The following NUDT7 variants were observed in gnomAD, a reference collection of about 807,000 sequenced individuals.
NUDT7 encodes peroxisomal coenzyme A diphosphatase NUDT7.
A neutral mutation model predicts 13.1 loss-of-function variants in NUDT7; 19 were observed. The observed-to-expected ratio is 1.45, with a 90% CI of 1.01 to 2.13. The LOEUF (loss-of-function observed/expected upper bound fraction) is 2.13. Ranked by LOEUF, NUDT7 falls within the 30% of genes most tolerant of loss-of-function variation. The probability of loss-of-function intolerance (pLI) is 0.00; values close to 1 mark genes in which losing one functional copy is unlikely to be tolerated. For missense variants in NUDT7, 360 were observed against 291.7 expected, an observed-to-expected ratio of 1.23 and a Z score of -1.71; for synonymous variants, 132 against 109.7, an observed-to-expected ratio of 1.20 and a Z score of -1.27.
Position 77,735,838 on chromosome 16 carries a change from C to A in NUDT7, c.200C>A (p.Ala67Asp), listed in dbSNP as rs1484475827. 6.2e-7 allele frequency: 1 copy of A among 1,613,318 alleles called. No individual in the cohort carries two copies. The highest frequency in any genetic ancestry group is 1.3e-5 in the African/African-American group (1 of 74,902). ...FTVRSEKLRR[A>D]PGEVCFPGGK... is the part of the protein sequence containing the mutation. ...TCTTTCTATATCCAGCTAAGAAGGG[C>A]CCCTGGAGAAGTTTGCTTCCCTGGA... is the stretch of plus-strand genomic sequence containing the variant. The change falls in exon 3 of 4, where the codon GCC becomes GAC. Residue 67 changes from alanine (A) to aspartate (D), a missense_variant. Coordinates refer to ENST00000268533, the MANE Select transcript of NUDT7 (RefSeq NM_001105663.3).
At chr16:77,728,902 CCA>C (rs148066474) in intron 2 of NUDT7, among the ~76,000 whole-genome samples, 19,411 of 152,118 alleles carry the variant, frequency 0.13, 1,374 homozygotes, top group East Asian at 0.32. Flanking sequence ...CTCTTCTCCC[CCA>C]CACCCTTGAC....
intron 2 of NUDT7, chr16:77,735,605 T>G (rs897263715): frequency 3.4e-6 from 2 of 586,532 alleles, no homozygotes; most frequent in Middle Eastern, 3.7e-4. Flanking sequence ...TGGTATCTTT[T>G]GGGGACAAAT....
chr16:77,725,865 G>C (rs1384530213), intron 2 of NUDT7, among the ~76,000 whole-genome samples: 1 of 152,208 alleles, frequency 6.6e-6, no homozygotes, highest in Non-Finnish European at 1.5e-5. Flanking sequence ...TAATTCTTTG[G>C]TGTGGAGGCT....
At chr16:77,732,126 G>A (rs1037919822) in intron 2 of NUDT7, among the ~76,000 whole-genome samples, 12 of 151,952 alleles carry the variant, frequency 7.9e-5, no homozygotes, top group African/African-American at 2.7e-4. Flanking sequence ...TCAGGAGTTC[G>A]AGACCAGCCT....
intron 2 of NUDT7, among the ~76,000 whole-genome samples, chr16:77,734,848 G>A (rs1318502000): frequency 6.6e-6 from 1 of 151,916 alleles, no homozygotes; most frequent in Non-Finnish European, 1.5e-5. Flanking sequence ...AGGGAGAGGG[G>A]AATGAGAATC....
chr16:77,733,756 C>A (rs931283277), intron 2 of NUDT7, among the ~76,000 whole-genome samples: 5 of 152,160 alleles, frequency 3.3e-5, no homozygotes, highest in African/African-American at 1.2e-4. Context: ...TGTCATTACC[C>A]CATTGCACAC....
chr16:77,736,606 G>C (rs1212633477), intron 3 of NUDT7: 1 of 203,336 alleles, frequency 4.9e-6, no homozygotes, highest in Non-Finnish European at 1.1e-5. Context: ...TTTTGGAGCT[G>C]AGATAACCAC....
chr16:77,725,264 C>A (rs73569632), intron 1 of NUDT7, among the ~76,000 whole-genome samples, 167 bp from the exon 2 acceptor site: 15,412 of 152,120 alleles, frequency 0.1, 970 homozygotes, highest in African/African-American at 0.18. Context: ...TGCGAACAAC[C>A]ACGCAATTTA....
At chr16:77,722,682 C>T (rs1346112196) in intron 1 of NUDT7, 65 bp downstream of exon 1, 2 of 1,473,082 alleles carry the variant, frequency 1.4e-6, no homozygotes, top group Admixed American at 1.9e-5. Context: ...GTAGCGGAGG[C>T]CACCGGGGCC....
intron 3 of NUDT7, among the ~76,000 whole-genome samples, chr16:77,737,899 C>G (rs746220961): frequency 2.0e-5 from 3 of 152,138 alleles, no homozygotes; most frequent in Non-Finnish European, 4.4e-5. Context: ...TTCCACTTGA[C>G]TGAAGTCTTG....
intron 2 of NUDT7, chr16:77,735,243 A>G: frequency 5.0e-6 from 2 of 400,852 alleles, no homozygotes; most frequent in East Asian, 7.1e-5. Context: ...AAACCCCAAT[A>G]TTGGACCTGG....
At position 77,738,322 on chromosome 16, in the gene NUDT7, T is replaced by C. The variant is rs138904184; in HGVS notation, c.348+2336T>C. On this transcript the variant is annotated intron_variant, in intron 3 of 3. Transcript: ENST00000268533. ...AGGAGCATTAACAGGAAAGTGTCTC[T>C]GGGAGATTCCTGGGGGCCAGATACT... Among the ~76,000 whole-genome samples, 178 of 152,334 alleles carry C rather than the reference T, an allele frequency of 1.2e-3. 2 individuals are homozygous for C. The highest frequency in any genetic ancestry group is 4.0e-3 in the African/African-American group (167 of 41,584).
intron 1 of NUDT7, among the ~76,000 whole-genome samples, chr16:77,724,287 G>A (rs916490658): frequency 6.6e-6 from 1 of 151,898 alleles, no homozygotes; most frequent in African/African-American, 2.4e-5. Context: ...TTTTGAGTCA[G>A]GTCTCACTCT....
chr16:77,731,907 T>A (rs1035445576), intron 2 of NUDT7, among the ~76,000 whole-genome samples: 4 of 152,138 alleles, frequency 2.6e-5, no homozygotes, highest in Non-Finnish European at 2.9e-5. Context: ...AATGAAAATA[T>A]TTTGTATAGC....
chr16:77,740,736 C>T (rs560547391), intron 3 of NUDT7, among the ~76,000 whole-genome samples: 35 of 151,698 alleles, frequency 2.3e-4, no homozygotes, highest in African/African-American at 8.0e-4. Flanking sequence ...TTAGTAGAGA[C>T]GGGATTTCAT....
In NUDT7 at chr16:77,735,937, G is replaced by A. The variant is rs308925; in HGVS notation, c.299G>A (p.Arg100His). 0.19 allele frequency: 302,921 copies of A among 1,613,266 alleles called. 30,743 individuals are homozygous for A. The highest frequency in any genetic ancestry group is 0.31 in the South Asian group (28,036 of 91,022). The change falls in exon 3 of 4, where the codon CGT becomes CAT. Residue 100 changes from arginine (R) to histidine (H), a missense_variant. Coordinates refer to ENST00000268533, the MANE Select transcript of NUDT7 (RefSeq NM_001105663.3). ...LREAQEEVGL[R>H]PHQVEVVCCL... Reference sequence around the variant, plus strand: ...GAAGCCCAGGAGGAAGTGGGTCTCCGTCCTCACCAAGTGGAAGTTGTCTGC... The same window carrying A: ...GAAGCCCAGGAGGAAGTGGGTCTCCATCCTCACCAAGTGGAAGTTGTCTGC...
chr16:77,735,308 A>C (rs956379874), intron 2 of NUDT7: 1 of 424,424 alleles, frequency 2.4e-6, no homozygotes, highest in Non-Finnish European at 4.2e-6. Flanking sequence ...TGGTACTGTC[A>C]TCACAATAGT....
Position 77,735,795 on chromosome 16 carries a change from C to T in NUDT7, c.190-33C>T, listed in dbSNP as rs778400264. ...GCATAAATAGTTCCAAAATTAGAATCCCACATTGTAGCGCTGTTCTTTCTA... is the reference window on the plus strand; with the variant it reads ...GCATAAATAGTTCCAAAATTAGAATTCCACATTGTAGCGCTGTTCTTTCTA... On this transcript the variant is annotated intron_variant, in intron 2 of 3. Coordinates refer to ENST00000268533, the MANE Select transcript of NUDT7 (RefSeq NM_001105663.3). 7.0e-6 allele frequency: 11 copies of T among 1,581,854 alleles called. No homozygotes were observed. The Admixed American group carries it at 1.2e-4, about 18-fold the overall frequency.
At chr16:77,724,321 G>C (rs936054004) in intron 1 of NUDT7, among the ~76,000 whole-genome samples, 13 of 152,198 alleles carry the variant, frequency 8.5e-5, no homozygotes, top group Middle Eastern at 6.8e-3. Context: ...GAGTGCAGTG[G>C]TGCAATCATG....
Sources: gnomAD v4.1 joint callset for allele counts (sites outside exome capture counted in the v4.1 genomes callset) on GRCh38, gnomAD v4.1.1 for gene constraint, MANE v1.5 for transcripts, NCBI Gene and HGNC (gene_info 2026-07-23, HGNC 2026-07-21) for gene names.